Variants in MGAT4C observed in about 807,000 individuals in gnomAD.
MGAT4C encodes MGAT4 family member C.
In MGAT4C, 19 loss-of-function variants were observed where a neutral mutation model predicts 40.1. The ratio of observed to expected loss-of-function variants is 0.47; its 90% CI spans 0.33 to 0.70. MGAT4C has a LOEUF of 0.70. Among genes scored for constraint, MGAT4C ranks in the 30% least tolerant of loss-of-function variants. The pLI is 0.02. For missense variants in MGAT4C, 491 were observed against 563.2 expected, an observed-to-expected ratio of 0.87 and a Z score of 1.30; for synonymous variants, 181 against 187.1, an observed-to-expected ratio of 0.97 and a Z score of 0.27.
At chr12:86,463,109 T>C (rs1957626780) in intron 2 of MGAT4C, among the ~76,000 whole-genome samples, 1 of 152,136 alleles carries the variant, frequency 6.6e-6, no homozygotes, top group Non-Finnish European at 1.5e-5. Context: ...AGCCTACATC[T>C]GGAGCCCAGC....
Position 86,144,837 on chromosome 12 carries a change from A to T in MGAT4C, c.-56-95114T>A, listed in dbSNP as rs545864043. Among the ~76,000 whole-genome samples the T allele has an allele frequency of 8.5e-5, 13 of 152,278 alleles. No individual in the cohort carries two copies. In the East Asian group the frequency reaches 2.1e-3, roughly 25 times the overall value. Reference sequence around the variant, plus strand: ...TATACTATAAAACCAGTCCTTGGAGATTTTAAATTATTTTCAATTTTTAGG... The same window carrying T: ...TATACTATAAAACCAGTCCTTGGAGTTTTTAAATTATTTTCAATTTTTAGG... On this transcript the variant is annotated intron_variant, in intron 1 of 4. Transcript: ENST00000611864.
chr12:86,816,469 A>G (rs931687217), intron 1 of MGAT4C, among the ~76,000 whole-genome samples: 1 of 151,782 alleles, frequency 6.6e-6, no homozygotes, highest in African/African-American at 2.4e-5. Context: ...AAAAATTTTT[A>G]ATCTTTGAAA....
At chr12:86,262,112 C>T (rs1047913054) in intron 4 of MGAT4C, among the ~76,000 whole-genome samples, 2 of 152,226 alleles carry the variant, frequency 1.3e-5, no homozygotes, top group African/African-American at 2.4e-5. Flanking sequence ...GCCTTACCTT[C>T]CACTAGCCTT....
chr12:86,286,420 G>C (rs959392365), intron 4 of MGAT4C, among the ~76,000 whole-genome samples: 1 of 152,082 alleles, frequency 6.6e-6, no homozygotes, highest in African/African-American at 2.4e-5. Flanking sequence ...TTGAGAAAGA[G>C]AAATTGCTAT....
At chr12:86,785,894 C>T (rs956549253) in intron 1 of MGAT4C, among the ~76,000 whole-genome samples, 2 of 151,828 alleles carry the variant, frequency 1.3e-5, no homozygotes, top group Non-Finnish European at 2.9e-5. Flanking sequence ...TACAAAATGT[C>T]CAAAGAAACA....
intron 2 of MGAT4C, among the ~76,000 whole-genome samples, chr12:86,026,362 AAC>A (rs886632422): frequency 1.5e-4 from 23 of 151,384 alleles, no homozygotes; most frequent in African/African-American, 5.3e-4. Context: ...ACAAATACTA[AAC>A]ACACACACAC....
chr12:86,213,550 T>C (rs1342875073), intron 1 of MGAT4C, among the ~76,000 whole-genome samples: 3 of 152,202 alleles, frequency 2.0e-5, no homozygotes, highest in African/African-American at 7.2e-5. Context: ...TTTTTTATTC[T>C]CCACATTTAA....
intron 4 of MGAT4C, among the ~76,000 whole-genome samples, chr12:86,268,664 C>CATATATATATAT (rs35503864): frequency 7.0e-6 from 1 of 143,806 alleles, no homozygotes; most frequent in African/African-American, 2.5e-5. Flanking sequence ...ATATTAACTA[C>CATATATATATAT]ATATATATAT....
At chr12:86,600,896 G>A (rs1961746422) in intron 2 of MGAT4C, among the ~76,000 whole-genome samples, 1 of 152,206 alleles carries the variant, frequency 6.6e-6, no homozygotes, top group South Asian at 2.1e-4. Flanking sequence ...CCCACTCCCT[G>A]GCCCCTCCCT....
At chr12:86,025,698 T>C (rs1054402563) in intron 2 of MGAT4C, among the ~76,000 whole-genome samples, 8 of 151,718 alleles carry the variant, frequency 5.3e-5, no homozygotes, top group African/African-American at 1.9e-4. Context: ...TTATCTATTT[T>C]AATCCTCCTA....
intron 2 of MGAT4C, among the ~76,000 whole-genome samples, chr12:86,551,545 C>CT (rs1247426220): frequency 1.3e-5 from 2 of 152,186 alleles, no homozygotes; most frequent in African/African-American, 4.8e-5. Flanking sequence ...GCCAAGTAGC[C>CT]TTGTGCCTAC....
chr12:85,969,658 C>T lies in MGAT4C; in HGVS notation c.*9631G>A, dbSNP rs1883526852. 6.6e-6 allele frequency: 1 copy of T among 151,406 alleles called. No individual in the cohort carries two copies. The highest frequency in any genetic ancestry group is 1.5e-5 in the Non-Finnish European group (1 of 67,530). The allele number at this position is 151,406 out of a possible 1,614,324, so 9.4% of individuals were successfully genotyped here. A position where few individuals can be genotyped will look rare whatever the true frequency, so the allele number is the denominator to read the frequency against. On this transcript the variant is annotated 3_prime_UTR_variant, in exon 5 of 5. Coordinates refer to ENST00000611864, the MANE Select transcript of MGAT4C (RefSeq NM_001351288.2). ...TGTTATTTTAATATAGTCATATCAT[C>T]CAGAAAATCCCATCTTAGACAAATG...
chr12:86,720,855 C>T (rs1005347891), intron 2 of MGAT4C, among the ~76,000 whole-genome samples: 1 of 152,180 alleles, frequency 6.6e-6, no homozygotes, highest in Non-Finnish European at 1.5e-5. Flanking sequence ...TGAATCCTCT[C>T]ACTCACATCA....
At chr12:86,460,135 C>T (rs186246876) in intron 2 of MGAT4C, among the ~76,000 whole-genome samples, 22 of 152,132 alleles carry the variant, frequency 1.4e-4, no homozygotes, top group Admixed American at 1.2e-3. Context: ...ATTGCTTGAG[C>T]CCATGAGTTT....
At position 85,961,596 on chromosome 12, in the gene MGAT4C, G is replaced by A. The variant is rs567546157; in HGVS notation, c.*17693C>T. 6.6e-6 allele frequency: 1 copy of A among 151,666 alleles called. No individual in the cohort carries two copies. Among genetic ancestry groups the A allele is most frequent in the South Asian group, 2.1e-4 (1 of 4,816 alleles). The allele number at this position is 151,666 out of a possible 1,614,324, so 9.4% of individuals were successfully genotyped here. ...CTAATACCTCAAGAATATTGTATATGCTTGTCACTATATAAACTTCACCCT... is the reference window on the plus strand; with the variant it reads ...CTAATACCTCAAGAATATTGTATATACTTGTCACTATATAAACTTCACCCT... On this transcript the variant is annotated 3_prime_UTR_variant, in exon 5 of 5. Transcript: ENST00000611864.
chr12:86,090,107 T>C (rs1872628264), intron 1 of MGAT4C, among the ~76,000 whole-genome samples: 1 of 151,644 alleles, frequency 6.6e-6, no homozygotes, highest in Non-Finnish European at 1.5e-5. Flanking sequence ...TGTTATTGTC[T>C]TGTTCTTAAT....
At chr12:86,376,818 C>CAGAGAGAGAGAG (rs34852259) in intron 3 of MGAT4C, among the ~76,000 whole-genome samples, 59 of 125,354 alleles carry the variant, frequency 4.7e-4, no homozygotes, top group African/African-American at 8.3e-4. Context: ...GAGAGAGAGA[C>CAGAGAGAGAGAG]AGAGAGAGAG....
intron 2 of MGAT4C, among the ~76,000 whole-genome samples, chr12:86,439,901 T>C (rs982417579): frequency 6.6e-6 from 1 of 152,058 alleles, no homozygotes; most frequent in Admixed American, 6.6e-5. Context: ...CCTGAAAACA[T>C]ACAACCCTCT....
At chr12:86,347,409 T>A (rs982304140) in intron 3 of MGAT4C, among the ~76,000 whole-genome samples, 1 of 152,196 alleles carries the variant, frequency 6.6e-6, no homozygotes, top group Non-Finnish European at 1.5e-5. Flanking sequence ...ATTTGATCAC[T>A]GAATTCGTGA....
Sources: allele counts gnomAD v4.1 joint callset (sites outside exome capture counted in the v4.1 genomes callset), GRCh38; gene constraint gnomAD v4.1.1; transcripts MANE v1.5; gene names NCBI Gene and HGNC (gene_info 2026-07-23, HGNC 2026-07-21).